The following CYP2A7 variants were observed in gnomAD, a reference collection of about 807,000 sequenced individuals.
The protein encoded by CYP2A7 is cytochrome P450 2A7.
Under a neutral mutation model 42.0 loss-of-function variants are expected in CYP2A7, and 36 were observed. That is an observed-to-expected ratio of 0.86 (90% CI 0.66 to 1.13). The LOEUF is 1.13. CYP2A7 is among the 50% of genes most tolerant of loss of function. The pLI is 0.00. For synonymous variants in CYP2A7, 260 were observed against 249.5 expected (o/e 1.04, Z -0.40); for missense variants, 661 against 634.1 (o/e 1.04, Z -0.46).
chr19:40,877,336 G>T lies in CYP2A7; in HGVS notation c.1015C>A (p.Arg339=), dbSNP rs926933834. 9 of 1,612,558 alleles carry T rather than the reference G, an allele frequency of 5.6e-6. No homozygotes were observed. In the African/African-American group the frequency reaches 1.1e-4, roughly 19 times the overall value. ...EEIDRVIGKN[R]QPKFEDRTKM... ...GTCCGGTCCTCAAACTTGGGCTGCC[G>T]GTTCTTGCCGATCACTCTGTCAATC... Residue 339 remains arginine, a synonymous_variant, in exon 7 of 9, where the codon CGG becomes AGG. Transcript: ENST00000301146.
rs1060089 is a variant in CYP2A7, at chr19:40,875,637, C to T, written c.*56G>A. The T allele has an allele frequency of 6.2e-7, 1 of 1,610,762 alleles. No individual in the cohort carries two copies. ...ACCCGCCTCTTCCGCGAACCCCGCC[C>T]TGACCCCGCCTTTCCCTGGCCCCGC... On this transcript the variant is annotated 3_prime_UTR_variant, in exon 9 of 9. Coordinates refer to ENST00000301146, the MANE Select transcript of CYP2A7 (RefSeq NM_000764.3).
In CYP2A7 at chr19:40,880,338, A is replaced by G. The variant is rs1170967851; in HGVS notation, c.494-94T>C. On this transcript the variant is annotated intron_variant, in intron 3 of 8. Transcript: ENST00000301146. ...CCAGGAGGCAGGGCCTTGTTGAGCC[A>G]AATTCCCAGCGCCAGACTCCAGGGC... The G allele has an allele frequency of 4.5e-6, 7 of 1,546,968 alleles. No individual in the cohort carries two copies. The East Asian group carries it at 9.0e-5, about 20-fold the overall frequency.
rs912064346 is a variant in CYP2A7, at chr19:40,876,837, T to C, written c.1162-169A>G. On this transcript the variant is annotated intron_variant, in intron 7 of 8. Coordinates refer to ENST00000301146, the MANE Select transcript of CYP2A7 (RefSeq NM_000764.3). ...TTGGGGAATAGAAGGTTCACATCTC[T>C]GAAACAGGAAGTTTGGGAGACATGG... is the stretch of plus-strand genomic sequence containing the variant. 17 of 959,064 alleles carry C rather than the reference T, an allele frequency of 1.8e-5. No homozygotes were observed. In the African/African-American group the frequency reaches 2.7e-4, roughly 15 times the overall value. 59.4% of individuals were successfully genotyped at this position (959,064 alleles called of 1,614,324 possible).
chr19:40,879,530 G>C (rs1967607624), intron 4 of CYP2A7, among the ~76,000 whole-genome samples: 1 of 151,756 alleles, frequency 6.6e-6, no homozygotes, highest in Admixed American at 6.6e-5. Context: ...ACTTATTTGT[G>C]TGTCAGGGAA....
chr19:40,877,934 G>A lies in CYP2A7; in HGVS notation c.891C>T (p.Asn297=), dbSNP rs773803639. The A allele has an allele frequency of 2.0e-5, 32 of 1,612,532 alleles. 2 individuals are homozygous for A. The highest frequency in any genetic ancestry group is 4.0e-5 in the African/African-American group (3 of 74,848). ...CCGTCTCGGTGCCTGCAATGAAGAG[G>A]TTCAACGTGCTCATCATCAGGTTCT... ...YLKNLMMSTL[N]LFIAGTETVS... The change falls in exon 6 of 9, where the codon AAC becomes AAT. Residue 297 remains asparagine, a synonymous_variant. Coordinates refer to ENST00000301146, the MANE Select transcript of CYP2A7 (RefSeq NM_000764.3).
At chr19:40,877,075 T>C (rs1397338627) in intron 7 of CYP2A7, 115 bp downstream of exon 7, 1 of 1,233,866 alleles carries the variant, frequency 8.1e-7, no homozygotes, top group East Asian at 2.4e-5. Context: ...GAAGTCCTTT[T>C]TGACTGATTG....
At chr19:40,881,235 T>C (rs1325432312) in intron 2 of CYP2A7, among the ~76,000 whole-genome samples, 1 of 150,202 alleles carries the variant, frequency 6.7e-6, no homozygotes, top group East Asian at 2.0e-4. Flanking sequence ...AGGAGAAACA[T>C]GGAGAAGCAC....
chr19:40,880,952 G>A (rs113747053), intron 2 of CYP2A7, among the ~76,000 whole-genome samples: 11,960 of 149,344 alleles, frequency 0.08, 734 homozygotes, highest in African/African-American at 0.099. Context: ...GATACTCCAT[G>A]GAGGAAGGGT....
chr19:40,876,692 T>C, intron 7 of CYP2A7, 24 bp from the exon 8 acceptor site: 1 of 1,603,494 alleles, frequency 6.2e-7, no homozygotes, highest in Non-Finnish European at 8.5e-7. Context: ...GGAAGTTGTG[T>C]GTGATGAGGA....
chr19:40,880,209 T>C lies in CYP2A7; in HGVS notation c.529A>G (p.Thr177Ala). Residue 177 changes from threonine (T) to alanine (A), a missense_variant, in exon 4 of 9, where the codon ACA (threonine) becomes GCA (alanine). Around this residue, in one of 3 missense-constraint regions of CYP2A7, gnomAD observed 614 missense variants for 552.4 expected, o/e 1.11. Coordinates refer to ENST00000301146, the MANE Select transcript of CYP2A7 (RefSeq NM_000764.3). ...NIDPTFFLSR[T>A]VSNVISSIVF... ...ATGGAGCTGATGACATTGGAGACTG[T>C]GCGGCTCAGGAAGAAGGTGGGATCG... 1 of 1,612,730 alleles carries C rather than the reference T, an allele frequency of 6.2e-7. No individual in the cohort carries two copies. Among genetic ancestry groups the C allele is most frequent in the East Asian group, 2.2e-5 (1 of 44,852 alleles).
rs1288256587 is a variant in CYP2A7, at chr19:40,876,841, A to G, written c.1162-173T>C. 1.1e-5 allele frequency: 10 copies of G among 945,422 alleles called. No homozygotes were observed. The East Asian group carries it at 2.4e-4, about 22-fold the overall frequency. 58.6% of individuals were successfully genotyped at this position (945,422 alleles called of 1,614,324 possible). A position where few individuals can be genotyped will look rare whatever the true frequency, so the allele number is the denominator to read the frequency against. On this transcript the variant is annotated intron_variant, in intron 7 of 8. Coordinates refer to ENST00000301146, the MANE Select transcript of CYP2A7 (RefSeq NM_000764.3). The stretch of plus-strand genomic sequence containing the variant: ...GGAATAGAAGGTTCACATCTCTGAA[A>G]CAGGAAGTTTGGGAGACATGGGGTC...
intron 5 of CYP2A7, among the ~76,000 whole-genome samples, chr19:40,878,474 C>A (rs559122628): frequency 1.3e-5 from 2 of 151,740 alleles, no homozygotes; most frequent in African/African-American, 4.8e-5. Context: ...CAACCTCTGC[C>A]CCCCTTCGCG....
At chr19:40,879,474 C>G (rs1212320452) in intron 4 of CYP2A7, among the ~76,000 whole-genome samples, 2 of 151,758 alleles carry the variant, frequency 1.3e-5, no homozygotes, top group East Asian at 3.8e-4. Flanking sequence ...GTGCGATGCA[C>G]AGGGAGCACC....
At chr19:40,876,903 A>G (rs1240529257) in intron 7 of CYP2A7, among the ~76,000 whole-genome samples, 1 of 151,554 alleles carries the variant, frequency 6.6e-6, no homozygotes, top group Admixed American at 6.6e-5. Context: ...GGGACCTGAA[A>G]TTTGTGTCCC....
At chr19:40,878,431 G>A (rs893548549) in intron 5 of CYP2A7, among the ~76,000 whole-genome samples, 21 of 151,694 alleles carry the variant, frequency 1.4e-4, no homozygotes, top group African/African-American at 4.4e-4. Context: ...TGTCACCCAG[G>A]CTGGAGTGCA....
At chr19:40,880,331 T>C in intron 3 of CYP2A7, 87 bp from the exon 4 acceptor site, 3 of 1,548,250 alleles carry the variant, frequency 1.9e-6, no homozygotes, top group East Asian at 2.3e-5. Context: ...CAGGGCCTTG[T>C]TGAGCCAAAT....
Position 40,875,468 on chromosome 19 carries a change from C to G in CYP2A7, c.*225G>C. The G allele has an allele frequency of 1.7e-6, 1 of 598,494 alleles. No individual in the cohort carries two copies. Among genetic ancestry groups the G allele is most frequent in the Admixed American group, 3.2e-5 (1 of 31,644 alleles). 37.1% of individuals were successfully genotyped at this position (598,494 alleles called of 1,614,324 possible). A position where few individuals can be genotyped will look rare whatever the true frequency, so the allele number is the denominator to read the frequency against. The stretch of plus-strand genomic sequence containing the variant: ...GAAATAAGAGCTGCTATTATTACTA[C>G]TCTTCATAGCATAATGTAAGGTTTC... On this transcript the variant is annotated 3_prime_UTR_variant, in exon 9 of 9. Coordinates refer to ENST00000301146, the MANE Select transcript of CYP2A7 (RefSeq NM_000764.3).
At chr19:40,881,539 A>G in intron 2 of CYP2A7, 50 bp downstream of exon 2, 1 of 1,607,762 alleles carries the variant, frequency 6.2e-7, no homozygotes, top group Non-Finnish European at 8.5e-7. Flanking sequence ...GGCAACACTG[A>G]GACCATCGTG....
chr19:40,882,148 C>T lies in CYP2A7; in HGVS notation c.63G>A (p.Met21Ile), dbSNP rs1341908417. Reference sequence around the variant, plus strand: ...TGCTCTTCCTCTGCTGCCAGACAGACATCAAGACCATCACAGTCAGGCAGG... The same window carrying T: ...TGCTCTTCCTCTGCTGCCAGACAGATATCAAGACCATCACAGTCAGGCAGG... ...LLACLTVMVL[M>I]SVWQQRKSRG... Residue 21 changes from methionine (M) to isoleucine (I), a missense_variant, in exon 1 of 9, where the codon ATG becomes ATA. Physicochemically the swap from Met to Ile is conservative, Grantham distance 10. This residue lies in a region of CYP2A7 where 614 missense variants were observed against 552.4 expected (regional missense o/e 1.11). Coordinates refer to ENST00000301146, the MANE Select transcript of CYP2A7 (RefSeq NM_000764.3). 8.7e-6 allele frequency: 14 copies of T among 1,613,840 alleles called. No homozygotes were observed. The highest frequency in any genetic ancestry group is 1.1e-5 in the Non-Finnish European group (13 of 1,179,890).
Sources: gnomAD v4.1 joint callset for allele counts (sites outside exome capture counted in the v4.1 genomes callset) on GRCh38, gnomAD v4.1.1 for gene constraint, gnomAD v4.1.1 regional missense constraint, MANE v1.5 for transcripts, NCBI Gene and HGNC (gene_info 2026-07-23, HGNC 2026-07-21) for gene names.